Variants in CFAP47 observed in about 807,000 individuals in gnomAD.
CFAP47 encodes cilia and flagella associated protein 47.
In CFAP47, 29 loss-of-function variants were observed where a neutral mutation model predicts 148.1. The ratio of observed to expected loss-of-function variants is 0.20; its 90% CI spans 0.15 to 0.27. The LOEUF is 0.27. CFAP47 is among the 10% of genes least tolerant of loss of function. The pLI, the probability that CFAP47 is intolerant of heterozygous loss-of-function variation, is 1.00. For synonymous variants in CFAP47, 664 were observed against 577.3 expected (o/e 1.15, Z -2.15); for missense variants, 1,872 against 1,697.5 (o/e 1.10, Z -1.81).
At chrX:36,098,909 A>T (rs1938325782) in intron 31 of CFAP47, 35 bp downstream of exon 31, 1 of 831,186 alleles carries the variant, frequency 1.2e-6, no homozygotes, top group African/African-American at 2.0e-5. Flanking sequence ...CAAACCACAC[A>T]GTTATTATTG....
At chrX:35,926,229 C>A in intron 2 of CFAP47, 61 bp downstream of exon 2, 1 of 931,959 alleles carries the variant, frequency 1.1e-6, no homozygotes, top group Non-Finnish European at 1.5e-6. Context: ...AAATGAGGGT[C>A]AAAGTAATAT....
chrX:36,238,422 A>T (rs1555995312), intron 48 of CFAP47, among the ~76,000 whole-genome samples: 1 of 111,959 alleles, frequency 8.9e-6, no homozygotes, highest in Non-Finnish European at 1.9e-5. Context: ...GTGTGTCTTT[A>T]TCAGCAGCAT....
At chrX:36,074,126 G>A (rs1044574433) in intron 29 of CFAP47, among the ~76,000 whole-genome samples, 4 of 111,721 alleles carry the variant, frequency 3.6e-5, no homozygotes, top group Non-Finnish European at 5.7e-5. Flanking sequence ...TAATTAATAG[G>A]ACAAACCTAG....
chrX:36,363,944 C>T (rs1941849341), intron 61 of CFAP47, among the ~76,000 whole-genome samples: 1 of 111,499 alleles, frequency 9.0e-6, no homozygotes, highest in Non-Finnish European at 1.9e-5. Context: ...CCTAATTTAA[C>T]AGGTCGTAAC....
At chrX:35,960,996 CAT>C (rs748234946) in intron 8 of CFAP47, among the ~76,000 whole-genome samples, 2 of 111,729 alleles carry the variant, frequency 1.8e-5, no homozygotes, top group Non-Finnish European at 3.8e-5. Context: ...GTAAGTTTTT[CAT>C]TGACTGCCTT....
In CFAP47 at chrX:36,144,496, A is replaced by T. The variant is rs1602010596; in HGVS notation, c.5536-723A>T. The T allele has an allele frequency of 5.3e-6, 5 of 942,540 alleles. No homozygotes were observed. In the East Asian group the frequency reaches 3.2e-4, roughly 61 times the overall value. 77.7% of individuals were successfully genotyped at this position (942,540 alleles called of 1,213,427 possible). On this transcript the variant is annotated intron_variant, in intron 35 of 63. Transcript: ENST00000378653. ...TTATCTATTATCTTATTTGATGGTT[A>T]ATATTAGGTGTCAACTTGACTGGAT... is the stretch of plus-strand genomic sequence containing the variant.
intron 39 of CFAP47, among the ~76,000 whole-genome samples, chrX:36,161,584 C>A (rs1306478955): frequency 9.0e-6 from 1 of 111,574 alleles, no homozygotes; most frequent in East Asian, 2.8e-4. Flanking sequence ...AGAAAAGTAA[C>A]TTCCTGGAAA....
intron 35 of CFAP47, among the ~76,000 whole-genome samples, chrX:36,144,067 A>G (rs925201334): frequency 6.3e-5 from 7 of 111,618 alleles, no homozygotes; most frequent in Non-Finnish European, 9.4e-5. Context: ...TCCTCATCCT[A>G]TAGTAATTTG....
chrX:36,055,104 A>AT (rs747236961), intron 26 of CFAP47, among the ~76,000 whole-genome samples: 206 of 102,043 alleles, frequency 2.0e-3, no homozygotes, highest in African/African-American at 3.6e-3. Context: ...ATTTTTTCTT[A>AT]TTTTTTTTTT....
In CFAP47 at chrX:35,970,873, G is replaced by A. The variant is rs772961404; in HGVS notation, c.1920G>A (p.Met640Ile). 8.4e-7 allele frequency: 1 copy of A among 1,190,175 alleles called. No homozygotes were observed. The highest frequency in any genetic ancestry group is 1.9e-5 in the South Asian group (1 of 53,730). Residue 640 changes from methionine to isoleucine, a missense_variant, in exon 11 of 64, where the codon ATG becomes ATA. Met to Ile is a conservative substitution (Grantham distance 10, BLOSUM62 1). Transcript: ENST00000378653. The stretch of plus-strand genomic sequence containing the variant: ...AATTACATGAAAACTATTATGCAAT[G>A]TATCTTAAATATTTAAGAAGTGTGC... ...QKKLHENYYA[M>I]YLKYLRSVRL...
chrX:36,185,312 A>T (rs906040232), intron 40 of CFAP47, among the ~76,000 whole-genome samples: 12 of 110,187 alleles, frequency 1.1e-4, no homozygotes, highest in Non-Finnish European at 2.3e-4. Context: ...GACCTTTGAG[A>T]GGTCTTCACC....
chrX:36,060,072 G>C (rs995100176), intron 26 of CFAP47, among the ~76,000 whole-genome samples: 1 of 111,108 alleles, frequency 9.0e-6, no homozygotes, highest in Non-Finnish European at 1.9e-5. Context: ...AGCATATACT[G>C]TTTCCATGCT....
intron 56 of CFAP47, among the ~76,000 whole-genome samples, chrX:36,315,983 A>G (rs782525061): frequency 9.0e-6 from 1 of 111,565 alleles, no homozygotes; most frequent in East Asian, 2.8e-4. Flanking sequence ...TGTTTTAAGG[A>G]GGATAAAATT....
intron 57 of CFAP47, among the ~76,000 whole-genome samples, chrX:36,346,291 T>C (rs1941697021): frequency 1.8e-5 from 2 of 111,154 alleles, no homozygotes; most frequent in South Asian, 7.6e-4. Context: ...TACTTAATCA[T>C]GCAGCTTCCT....
At position 36,046,862 on chromosome X, in the gene CFAP47, C is replaced by T. The variant is rs1488752340; in HGVS notation, c.4016C>T (p.Thr1339Ile). ...TTTTTTATTTTAAACAGAAATTCAACTCTATGTGTCCAGATTCCCACAGTA... is the reference window on the plus strand; with the variant it reads ...TTTTTTATTTTAAACAGAAATTCAATTCTATGTGTCCAGATTCCCACAGTA... ...ILPQNYFRNS[T>I]LCVQIPTVRL... Residue 1339 changes from threonine (T) to isoleucine (I), a missense_variant, in exon 26 of 64, where the codon ACT becomes ATT. By Grantham distance (89) the Thr-to-Ile change is moderately conservative. Coordinates refer to ENST00000378653, the MANE Select transcript of CFAP47 (RefSeq NM_001304548.2). 2.7e-6 allele frequency: 3 copies of T among 1,127,179 alleles called. No homozygotes were observed. Among genetic ancestry groups the T allele is most frequent in the Non-Finnish European group, 3.5e-6 (3 of 848,023 alleles). The allele number at this position is 1,127,179 out of a possible 1,213,427, so 92.9% of individuals were successfully genotyped here.
chrX:35,954,562 ACAGG>A (rs1936216960), intron 7 of CFAP47, among the ~76,000 whole-genome samples: 1 of 111,894 alleles, frequency 8.9e-6, no homozygotes, highest in African/African-American at 3.2e-5. Flanking sequence ...TACAAAGTTT[ACAGG>A]TTAATCCAGT....
chrX:35,956,524 A>C (rs976285265), intron 8 of CFAP47, among the ~76,000 whole-genome samples: 1 of 112,284 alleles, frequency 8.9e-6, no homozygotes, highest in African/African-American at 3.2e-5. Context: ...TAACAAGGTG[A>C]TATAGAAACT....
chrX:36,056,422 CA>C (rs1353086136), intron 26 of CFAP47, among the ~76,000 whole-genome samples: 2 of 111,620 alleles, frequency 1.8e-5, no homozygotes, highest in Non-Finnish European at 3.8e-5. Flanking sequence ...CGCAGACTTA[CA>C]AGGATATGAA....
intron 45 of CFAP47, among the ~76,000 whole-genome samples, chrX:36,228,292 C>G (rs997022240): frequency 2.7e-5 from 3 of 111,121 alleles, no homozygotes; most frequent in Non-Finnish European, 5.7e-5. Context: ...AGTCCTTGAG[C>G]AAACTTCCAG....
Sources: gnomAD v4.1 joint callset for allele counts (sites outside exome capture counted in the v4.1 genomes callset) on GRCh38, gnomAD v4.1.1 for gene constraint, MANE v1.5 for transcripts, NCBI Gene and HGNC (gene_info 2026-07-23, HGNC 2026-07-21) for gene names.